The following CCN5 variants were observed in gnomAD, a reference collection of about 807,000 sequenced individuals.
CCN5 encodes CCN family member 5.
Under a neutral mutation model 18.7 loss-of-function variants are expected in CCN5, and 17 were observed. That is an observed-to-expected ratio of 0.91 (90% CI 0.62 to 1.36). The LOEUF is 1.36. Among genes scored for constraint, CCN5 ranks in the 40% most tolerant of loss-of-function variants. The pLI, the probability that CCN5 is intolerant of heterozygous loss-of-function variation, is 0.00. For synonymous variants in CCN5, 135 were observed against 145.2 expected (o/e 0.93, Z 0.50); for missense variants, 367 against 342.9 (o/e 1.07, Z -0.56).
chr20:44,718,112 C>A lies in CCN5; in HGVS notation c.61-1785C>A, dbSNP rs530065397. ...TGGGATCCACTCCCTTGTGAGGCAG[C>A]CAGACACCTAGCTCCGTGTGTCCAT... On this transcript the variant is annotated intron_variant, in intron 1 of 3. Coordinates refer to ENST00000190983, the MANE Select transcript of CCN5 (RefSeq NM_003881.4). Among the ~76,000 whole-genome samples the A allele has an allele frequency of 2.6e-5, 4 of 152,234 alleles. No individual in the cohort carries two copies. In the South Asian group the frequency reaches 8.3e-4, roughly 32 times the overall value.
Position 44,727,579 on chromosome 20 carries a change from T to C in CCN5, c.*272T>C, listed in dbSNP as rs73286428. ...GTCCAGGGTCCTCTAGCCCACTCCC[T>C]GCCTACACACACAGCCTATATCAAA... On this transcript the variant is annotated 3_prime_UTR_variant, in exon 4 of 4. Transcript: ENST00000190983. 803 of 1,271,880 alleles carry C rather than the reference T, an allele frequency of 6.3e-4. 4 individuals are homozygous for C. In the African/African-American group the frequency reaches 7.8e-3, roughly 12 times the overall value. The allele number at this position is 1,271,880 out of a possible 1,614,324, so 78.8% of individuals were successfully genotyped here.
chr20:44,716,988 G>A (rs1289846223), intron 1 of CCN5, among the ~76,000 whole-genome samples: 1 of 152,108 alleles, frequency 6.6e-6, no homozygotes, highest in Non-Finnish European at 1.5e-5. Context: ...CTCAACTCTT[G>A]CCCAAAAAAC....
In CCN5 at chr20:44,727,398, C is replaced by T; in HGVS notation, c.*91C>T. Reference sequence around the variant, plus strand: ...GGGCTGATGGAAGATGGTCCGTGCCCAGGCCCTTGGCTGCAGGCAACACTT... The same window carrying T: ...GGGCTGATGGAAGATGGTCCGTGCCTAGGCCCTTGGCTGCAGGCAACACTT... On this transcript the variant is annotated 3_prime_UTR_variant, in exon 4 of 4. Coordinates refer to ENST00000190983, the MANE Select transcript of CCN5 (RefSeq NM_003881.4). 1.4e-6 allele frequency: 2 copies of T among 1,464,688 alleles called. No homozygotes were observed. Among genetic ancestry groups the T allele is most frequent in the Admixed American group, 2.6e-5 (1 of 37,810 alleles). The allele number at this position is 1,464,688 out of a possible 1,614,324, so 90.7% of individuals were successfully genotyped here.
At chr20:44,718,756 G>T (rs2065877540) in intron 1 of CCN5, among the ~76,000 whole-genome samples, 1 of 152,182 alleles carries the variant, frequency 6.6e-6, no homozygotes, top group Admixed American at 6.5e-5. Flanking sequence ...CTAAGTTCCT[G>T]TCCCTCTCTG....
upstream of CCN5, chr20:44,715,250 TGTGTGTGTGTGAGCGC>T (rs1179780842): frequency 4.9e-5 from 27 of 554,914 alleles, no homozygotes; most frequent in Non-Finnish European, 7.9e-5. Context: ...TGTGTGTGTG[TGTGTGTGTGTGAGCGC>T]GCGCGCGCGC....
At chr20:44,724,121 A>C (rs1431452152) in intron 2 of CCN5, 1 of 152,270 alleles carries the variant, frequency 6.6e-6, no homozygotes, top group Non-Finnish European at 1.5e-5. Flanking sequence ...ATGGAACCTG[A>C]AGTTACGATT....
intron 2 of CCN5, chr20:44,720,367 T>G (rs2065890945): frequency 1.9e-6 from 1 of 521,482 alleles, no homozygotes. Context: ...CATTGCCAAC[T>G]TTCAAAGCCA....
chr20:44,715,111 C>CAA, upstream of CCN5: 1 of 457,550 alleles, frequency 2.2e-6, no homozygotes, highest in Non-Finnish European at 4.0e-6. Flanking sequence ...CACACACACA[C>CAA]ACACACACGG....
intron 1 of CCN5, 106 bp from the exon 2 acceptor site, chr20:44,719,791 A>G: frequency 1.7e-6 from 2 of 1,174,464 alleles, no homozygotes; most frequent in Non-Finnish European, 2.4e-6. Context: ...TCTGAGGCTA[A>G]GGTGTGGACA....
upstream of CCN5, chr20:44,715,173 C>T: frequency 1.7e-6 from 1 of 579,774 alleles, no homozygotes; most frequent in Non-Finnish European, 3.1e-6. Context: ...TAAATGGGCT[C>T]ATCCTTTGAG....
chr20:44,717,760 T>C (rs1211897385), intron 1 of CCN5, among the ~76,000 whole-genome samples: 2 of 151,548 alleles, frequency 1.3e-5, no homozygotes, highest in African/African-American at 4.9e-5. Flanking sequence ...CCTGTAATCC[T>C]AGCTACTTGG....
chr20:44,721,804 A>G (rs985716008), intron 2 of CCN5, among the ~76,000 whole-genome samples: 2 of 152,170 alleles, frequency 1.3e-5, no homozygotes, highest in Non-Finnish European at 2.9e-5. Context: ...TCTCACAACC[A>G]CATGAGGTAG....
intron 3 of CCN5, among the ~76,000 whole-genome samples, chr20:44,726,758 C>T (rs2065938542): frequency 6.6e-6 from 1 of 152,180 alleles, no homozygotes; most frequent in Non-Finnish European, 1.5e-5. Flanking sequence ...CCACTCCACA[C>T]AGGCTGGGCA....
chr20:44,724,687 G>A, intron 2 of CCN5, 51 bp from the exon 3 acceptor site: 1 of 1,608,496 alleles, frequency 6.2e-7, no homozygotes, highest in Non-Finnish European at 8.5e-7. Context: ...CTGCAGAGAA[G>A]GCTGTGCCGC....
At chr20:44,724,372 C>A (rs1364476518) in intron 2 of CCN5, 4 of 283,228 alleles carry the variant, frequency 1.4e-5, no homozygotes, top group East Asian at 2.0e-4. Context: ...ATGTTGTGAT[C>A]ATTACGCCTA....
chr20:44,717,977 A>G lies in CCN5; in HGVS notation c.61-1920A>G, dbSNP rs148168459. Among the ~76,000 whole-genome samples, 554 of 152,264 alleles carry G rather than the reference A, an allele frequency of 3.6e-3. 4 individuals are homozygous for G. Among genetic ancestry groups the G allele is most frequent in the African/African-American group, 0.013 (522 of 41,566 alleles). ...CTTCGGATTTATAGAGGGGCTCCAG[A>G]TGCTGCCTCTCTGACAAGCTCCTAG... On this transcript the variant is annotated intron_variant, in intron 1 of 3. Transcript: ENST00000190983.
chr20:44,714,909 G>C (rs915146128), upstream of CCN5: 1 of 157,662 alleles, frequency 6.3e-6, no homozygotes, highest in African/African-American at 2.4e-5. Context: ...CTCTGCAAAG[G>C]GGTTGTTTAC....
At position 44,727,717 on chromosome 20, in the gene CCN5, G is replaced by A. The variant is rs1000265194; in HGVS notation, c.*410G>A. The A allele has an allele frequency of 1.1e-5, 4 of 359,406 alleles. No homozygotes were observed. The highest frequency in any genetic ancestry group is 2.1e-5 in the African/African-American group (1 of 47,776). 22.3% of individuals were successfully genotyped at this position (359,406 alleles called of 1,614,324 possible). A position where few individuals can be genotyped will look rare whatever the true frequency, so the allele number is the denominator to read the frequency against. The stretch of plus-strand genomic sequence containing the variant: ...TGGGCTGGACTGGCCATTTTTCTGG[G>A]GGTAGGATGAAGAGAAGGCACACAG... On this transcript the variant is annotated 3_prime_UTR_variant, in exon 4 of 4. Coordinates refer to ENST00000190983, the MANE Select transcript of CCN5 (RefSeq NM_003881.4).
At chr20:44,719,360 G>C (rs2065881372) in intron 1 of CCN5, among the ~76,000 whole-genome samples, 1 of 152,212 alleles carries the variant, frequency 6.6e-6, no homozygotes. Context: ...GGCAGAATTA[G>C]AACTGGAAGT....
Sources: gnomAD v4.1 joint callset for allele counts (sites outside exome capture counted in the v4.1 genomes callset) on GRCh38, gnomAD v4.1.1 for gene constraint, MANE v1.5 for transcripts, NCBI Gene and HGNC (gene_info 2026-07-23, HGNC 2026-07-21) for gene names.